MIOS: variants seen among roughly 807,000 people sequenced by gnomAD.
The protein encoded by MIOS is meiosis regulator for oocyte development.
A neutral mutation model predicts 96.9 loss-of-function variants in MIOS; 52 were observed. The observed-to-expected ratio is 0.54, with a 90% CI of 0.43 to 0.68. The LOEUF is 0.68. Among genes scored for constraint, MIOS ranks in the 30% least tolerant of loss-of-function variants. MIOS has a pLI of 0.00. For missense variants in MIOS, 1,005 were observed against 1,052.8 expected (o/e 0.95, Z 0.63); for synonymous variants, 397 against 359.5 (o/e 1.10, Z -1.18).
intron 5 of MIOS, among the ~76,000 whole-genome samples, chr7:7,578,420 G>C (rs575506557): frequency 7.9e-5 from 12 of 152,260 alleles, no homozygotes; most frequent in African/African-American, 2.9e-4. Flanking sequence ...GGCTACTCAG[G>C]AGGTTGAGAT....
At position 7,583,379 on chromosome 7, in the gene MIOS, GGTTATAAACTAAGATATTA is replaced by G; in HGVS notation, c.1648+15_1648+33del. On this transcript the variant is annotated splice_region_variant and intron_variant, in intron 6 of 12. Transcript: ENST00000340080. ...GGGGCATCTTCTGAAAAAGGTATTA[GGTTATAAACTAAGATATTA>G]GTTATAATCTAAGATGTTAGCAGTT... 6.4e-7 allele frequency: 1 copy of G among 1,572,922 alleles called. No homozygotes were observed. The highest frequency in any genetic ancestry group is 8.6e-7 in the Non-Finnish European group (1 of 1,157,774).
At chr7:7,575,785 A>G (rs1486801649) in intron 5 of MIOS, among the ~76,000 whole-genome samples, 1 of 151,972 alleles carries the variant, frequency 6.6e-6, no homozygotes, top group African/African-American at 2.4e-5. Context: ...TGAGTATCCC[A>G]CCCCTGTGTC....
intron 3 of MIOS, among the ~76,000 whole-genome samples, chr7:7,569,674 G>T (rs1783284543): frequency 6.6e-6 from 1 of 152,204 alleles, no homozygotes. Flanking sequence ...GTATAATCCA[G>T]TAGAAGAGAC....
chr7:7,585,126 C>T (rs987465747), intron 6 of MIOS, among the ~76,000 whole-genome samples: 8 of 152,088 alleles, frequency 5.3e-5, no homozygotes, highest in African/African-American at 1.9e-4. Context: ...GCAATATTTA[C>T]TATAAGTGTT....
chr7:7,589,292 CT>C (rs1470548690), intron 8 of MIOS, 112 bp from the exon 9 acceptor site: 2 of 886,850 alleles, frequency 2.3e-6, no homozygotes, highest in African/African-American at 3.4e-5. Context: ...TTAGTAAAGT[CT>C]TTTGTTTTAA....
chr7:7,572,934 T>C lies in MIOS; in HGVS notation c.459T>C (p.Pro153=), dbSNP rs769458867. 15 of 1,614,012 alleles carry C rather than the reference T, an allele frequency of 9.3e-6. No homozygotes were observed. The highest frequency in any genetic ancestry group is 1.3e-5 in the Non-Finnish European group (15 of 1,179,996). Residue 153 remains proline, a synonymous_variant, in exon 4 of 13, where the codon CCT becomes CCC. Coordinates refer to ENST00000340080, the MANE Select transcript of MIOS (RefSeq NM_019005.4). This position sits in a 1 kb window ranked among gnomAD's most constrained non-coding sequence, Gnocchi z 4.8. ...LIWDICSKYT[P]DIVPMEKVKL... is the part of the protein sequence containing the mutation. ...GGGATATCTGCAGCAAATATACTCC[T>C]GATATAGTTCCCATGGAAAAAGTGA...
chr7:7,580,685 C>T (rs1783683721), intron 5 of MIOS, among the ~76,000 whole-genome samples: 1 of 128,276 alleles, frequency 7.8e-6, no homozygotes, highest in Admixed American at 9.6e-5. Flanking sequence ...TGACTATGTA[C>T]TATTTTACCT....
At chr7:7,584,729 TATATA>T (rs1414051231) in intron 6 of MIOS, among the ~76,000 whole-genome samples, 3 of 152,118 alleles carry the variant, frequency 2.0e-5, no homozygotes, top group Non-Finnish European at 4.4e-5. Context: ...TAAGAAAACT[TATATA>T]ATAAGTGTAG....
In MIOS at chr7:7,573,672, A is replaced by G. The variant is rs1234745109; in HGVS notation, c.1197A>G (p.Leu399=). Residue 399 remains leucine, a synonymous_variant, in exon 4 of 13, where the codon TTA becomes TTG. Transcript: ENST00000340080. This position sits in a 1 kb window ranked among gnomAD's most constrained non-coding sequence, Gnocchi z 5.0. ...DIATKMRLRA[L]SRYGLDTEQV... is the part of the protein sequence containing the mutation. ...CAACGAAGATGCGTCTTCGGGCTTT[A>G]TCAAGGTATGGACTTGATACAGAGC... The G allele has an allele frequency of 6.2e-7, 1 of 1,613,990 alleles. No homozygotes were observed. Among genetic ancestry groups the G allele is most frequent in the Non-Finnish European group, 8.5e-7 (1 of 1,179,936 alleles).
At chr7:7,591,219 C>G (rs1784039080) in intron 9 of MIOS, among the ~76,000 whole-genome samples, 2 of 151,492 alleles carry the variant, frequency 1.3e-5, no homozygotes, top group South Asian at 2.1e-4. Context: ...TCACTGTCTT[C>G]TGGCCTCTGT....
chr7:7,594,862 C>CCAA (rs1784157956), intron 9 of MIOS, 118 bp from the exon 10 acceptor site: 4 of 377,400 alleles, frequency 1.1e-5, no homozygotes, highest in South Asian at 1.6e-4. Flanking sequence ...CAGCTTTTGG[C>CCAA]AAAAAAAAAA....
chr7:7,582,442 T>C (rs976337831), intron 5 of MIOS, among the ~76,000 whole-genome samples: 1 of 152,212 alleles, frequency 6.6e-6, no homozygotes, highest in Admixed American at 6.5e-5. Flanking sequence ...TCAACTGCCT[T>C]GATTGCAGTA....
intron 7 of MIOS, among the ~76,000 whole-genome samples, chr7:7,586,988 CTTT>C (rs71988879): frequency 0.016 from 2,015 of 123,032 alleles, 15 homozygotes; most frequent in Middle Eastern, 0.061. Flanking sequence ...TTTTCTTTCC[CTTT>C]TTTTTTTTTT....
intron 5 of MIOS, among the ~76,000 whole-genome samples, 162 bp downstream of exon 5, chr7:7,574,358 A>T (rs973608949): frequency 6.6e-6 from 1 of 152,260 alleles, no homozygotes; most frequent in African/African-American, 2.4e-5. Flanking sequence ...AGTTAAATGC[A>T]TACTTGTATT....
chr7:7,567,181 C>T (rs1410022843), intron 1 of MIOS, 109 bp downstream of exon 1: 1 of 152,064 alleles, frequency 6.6e-6, no homozygotes, highest in Non-Finnish European at 1.5e-5. Flanking sequence ...GCGGGGAGCG[C>T]GTTCCGCGCT....
chr7:7,600,252 A>C (rs1489110497), intron 11 of MIOS, among the ~76,000 whole-genome samples: 1 of 152,030 alleles, frequency 6.6e-6, no homozygotes, highest in African/African-American at 2.4e-5. Context: ...GTAAAACAGG[A>C]TCTAATAGAA....
intron 9 of MIOS, among the ~76,000 whole-genome samples, chr7:7,592,267 G>A (rs1318788137): frequency 1.3e-5 from 2 of 152,204 alleles, no homozygotes; most frequent in African/African-American, 2.4e-5. Context: ...GGGATTACAG[G>A]CGCAAGCCGC....
At chr7:7,597,774 C>A (rs918171825) in intron 11 of MIOS, among the ~76,000 whole-genome samples, 1 of 151,736 alleles carries the variant, frequency 6.6e-6, no homozygotes, top group Non-Finnish European at 1.5e-5. Flanking sequence ...TCTCGGCTCA[C>A]GGCAACCTCT....
At chr7:7,593,881 A>G (rs1344137734) in intron 9 of MIOS, among the ~76,000 whole-genome samples, 2 of 128,610 alleles carry the variant, frequency 1.6e-5, no homozygotes, top group Non-Finnish European at 3.2e-5. Flanking sequence ...TCTGTCTCCA[A>G]AAAAAAAAAA....
Sources: allele counts gnomAD v4.1 joint callset (sites outside exome capture counted in the v4.1 genomes callset), GRCh38; gene constraint gnomAD v4.1.1; non-coding constraint Gnocchi (gnomAD v3.1); transcripts MANE v1.5; gene names NCBI Gene and HGNC (gene_info 2026-07-23, HGNC 2026-07-21).